The following MCTP1 variants were observed in gnomAD, a reference collection of about 807,000 sequenced individuals.
The protein encoded by MCTP1 is multiple C2 and transmembrane domain-containing protein 1.
Under a neutral mutation model 120.6 loss-of-function variants are expected in MCTP1, and 69 were observed. The ratio of observed to expected loss-of-function variants is 0.57; its 90% CI spans 0.47 to 0.70. The LOEUF is 0.70. MCTP1 is among the 30% of genes least tolerant of loss of function. The probability of loss-of-function intolerance (pLI) is 0.00; values close to 1 mark genes in which losing one functional copy is unlikely to be tolerated. For synonymous variants in MCTP1, 529 were observed against 493.1 expected, an observed-to-expected ratio of 1.07 and a Z score of -0.96; for missense variants, 1,203 against 1,248.8, an observed-to-expected ratio of 0.96 and a Z score of 0.55.
intron 2 of MCTP1, among the ~76,000 whole-genome samples, chr5:95,009,489 T>G (rs7728019): frequency 0.037 from 5,648 of 151,972 alleles, 344 homozygotes; most frequent in African/African-American, 0.13. Flanking sequence ...GGCTGCCAGA[T>G]AAAGTGACAC....
At chr5:94,904,414 T>G (rs1806279975) in intron 10 of MCTP1, among the ~76,000 whole-genome samples, 1 of 152,128 alleles carries the variant, frequency 6.6e-6, no homozygotes, top group South Asian at 2.1e-4. Context: ...AATAGGGCCC[T>G]GCAGGTTGTA....
At chr5:94,870,671 G>A (rs1229341860) in intron 15 of MCTP1, among the ~76,000 whole-genome samples, 180 bp from the exon 16 acceptor site, 2 of 152,002 alleles carry the variant, frequency 1.3e-5, no homozygotes, top group Non-Finnish European at 2.9e-5. Flanking sequence ...GGTAGACAGC[G>A]GCCAGAACAC....
At chr5:95,171,707 A>T (rs1008161260) in intron 1 of MCTP1, among the ~76,000 whole-genome samples, 1 of 151,726 alleles carries the variant, frequency 6.6e-6, no homozygotes, top group African/African-American at 2.4e-5. Flanking sequence ...CGAATCGGTT[A>T]CTGAAGCTTG....
intron 19 of MCTP1, among the ~76,000 whole-genome samples, chr5:94,761,953 A>T (rs1013421798): frequency 6.6e-6 from 1 of 152,226 alleles, no homozygotes; most frequent in Non-Finnish European, 1.5e-5. Flanking sequence ...ATGAGAAGCC[A>T]GCAACAACTG....
At chr5:94,755,026 G>A (rs7706425) in intron 19 of MCTP1, among the ~76,000 whole-genome samples, 1 of 151,952 alleles carries the variant, frequency 6.6e-6, no homozygotes, top group South Asian at 2.1e-4. Context: ...CAGCCCCAGG[G>A]AGGCCTTGAC....
At chr5:94,735,360 G>A (rs1763985886) in intron 19 of MCTP1, among the ~76,000 whole-genome samples, 1 of 151,410 alleles carries the variant, frequency 6.6e-6, no homozygotes. Flanking sequence ...TCTCAAAATA[G>A]TTTCAACCTC....
intron 17 of MCTP1, among the ~76,000 whole-genome samples, chr5:94,851,026 A>G (rs985125214): frequency 6.6e-6 from 1 of 152,136 alleles, no homozygotes; most frequent in Non-Finnish European, 1.5e-5. Flanking sequence ...TTAAGAAAAT[A>G]TTGAATACTT....
chr5:94,899,227 G>A (rs567883628), intron 10 of MCTP1, among the ~76,000 whole-genome samples: 1 of 152,322 alleles, frequency 6.6e-6, no homozygotes, highest in Admixed American at 6.5e-5. Flanking sequence ...TTCTATATGT[G>A]TGGTTTGAAA....
intron 1 of MCTP1, among the ~76,000 whole-genome samples, chr5:95,205,395 A>G (rs1751515925): frequency 6.6e-6 from 1 of 152,188 alleles, no homozygotes; most frequent in South Asian, 2.1e-4. Flanking sequence ...TAAAACTCTT[A>G]GAAGAAAACA....
intron 17 of MCTP1, among the ~76,000 whole-genome samples, chr5:94,838,551 A>C (rs939739680): frequency 6.6e-6 from 1 of 152,196 alleles, no homozygotes; most frequent in Admixed American, 6.5e-5. Context: ...TATTTCCAGA[A>C]ACTCCCATAC....
intron 1 of MCTP1, among the ~76,000 whole-genome samples, chr5:95,280,330 G>C (rs1760212278): frequency 6.6e-6 from 1 of 152,006 alleles, no homozygotes; most frequent in Non-Finnish European, 1.5e-5. Flanking sequence ...TTTATCCTTT[G>C]TGAAAGCAAT....
intron 18 of MCTP1, among the ~76,000 whole-genome samples, chr5:94,783,079 C>T (rs571727910): frequency 4.1e-4 from 62 of 152,014 alleles, no homozygotes; most frequent in Non-Finnish European, 7.4e-4. Flanking sequence ...TCGTCACAGA[C>T]TTATGTGCCA....
chr5:95,028,597 A>C (rs2153688153), intron 1 of MCTP1, among the ~76,000 whole-genome samples: 1 of 152,232 alleles, frequency 6.6e-6, no homozygotes, highest in Non-Finnish European at 1.5e-5. Context: ...ATCACTAATA[A>C]CCTTTCCGCC....
intron 1 of MCTP1, among the ~76,000 whole-genome samples, chr5:95,135,772 C>T (rs1048596739): frequency 2.0e-5 from 3 of 152,168 alleles, no homozygotes; most frequent in Admixed American, 6.5e-5. Context: ...TTAATAAACT[C>T]CCCTTTATAT....
intron 13 of MCTP1, among the ~76,000 whole-genome samples, chr5:94,872,688 C>G (rs890027052): frequency 1.3e-5 from 2 of 152,036 alleles, no homozygotes; most frequent in African/African-American, 4.8e-5. Context: ...TAGGACAATA[C>G]TTAATATTCT....
chr5:94,901,114 A>G (rs1185793228), intron 10 of MCTP1, among the ~76,000 whole-genome samples: 2 of 152,226 alleles, frequency 1.3e-5, no homozygotes, highest in Non-Finnish European at 2.9e-5. Flanking sequence ...GGTAATTTAT[A>G]TAGGAAACAG....
chr5:94,840,727 C>A (rs1790833101), intron 17 of MCTP1, among the ~76,000 whole-genome samples: 1 of 152,138 alleles, frequency 6.6e-6, no homozygotes, highest in African/African-American at 2.4e-5. Flanking sequence ...TGGAGTTCTA[C>A]CATGAGACAC....
intron 18 of MCTP1, among the ~76,000 whole-genome samples, chr5:94,786,908 T>TAAA (rs1777848112): frequency 6.6e-6 from 1 of 152,224 alleles, no homozygotes; most frequent in African/African-American, 2.4e-5. Flanking sequence ...AGTGATTATT[T>TAAA]GCACTCATAA....
chr5:95,132,970 A>T (rs1005092916), intron 1 of MCTP1, among the ~76,000 whole-genome samples: 1 of 152,180 alleles, frequency 6.6e-6, no homozygotes, highest in Non-Finnish European at 1.5e-5. Context: ...CTCAAGTGCT[A>T]ATCACTTGTT....
Sources: allele counts gnomAD v4.1 joint callset (sites outside exome capture counted in the v4.1 genomes callset), GRCh38; gene constraint gnomAD v4.1.1; transcripts MANE v1.5; gene names NCBI Gene and HGNC (gene_info 2026-07-23, HGNC 2026-07-21).